The following LRRC75A variants were observed in gnomAD, a reference collection of about 807,000 sequenced individuals.
LRRC75A encodes leucine-rich repeat-containing protein 75A.
In LRRC75A, 12 loss-of-function variants were observed where a neutral mutation model predicts 26.0. That is an observed-to-expected ratio of 0.46 (90% confidence interval 0.30 to 0.75). LRRC75A has a LOEUF of 0.75. Among genes scored for constraint, LRRC75A ranks in the 30% least tolerant of loss-of-function variants. LRRC75A has a pLI of 0.08. For synonymous variants in LRRC75A, 223 were observed against 219.3 expected (o/e 1.02, Z -0.15); for missense variants, 410 against 486.6 (o/e 0.84, Z 1.48).
At position 16,462,271 on chromosome 17, in the gene LRRC75A, T is replaced by C. The variant is rs747543063; in HGVS notation, c.362A>G (p.His121Arg). ...DLIISLARYIHCPKPEGDALG... is the reference protein window; with the variant it reads ...DLIISLARYIRCPKPEGDALG... The stretch of plus-strand genomic sequence containing the variant: ...CAGCCACCCTACCGGCTTGGGACAG[T>C]GGATGTAGCGTGCCAGGCTGATGAT... The change falls in exon 2 of 4, where the codon CAC becomes CGC. Residue 121 changes from histidine to arginine, a missense_variant. His to Arg is a conservative substitution (Grantham distance 29). Coordinates refer to ENST00000470794, the MANE Select transcript of LRRC75A (RefSeq NM_001113567.3). This position sits in a 1 kb window ranked among gnomAD's most constrained non-coding sequence, Gnocchi z 4.6. 6.2e-7 allele frequency: 1 copy of C among 1,613,820 alleles called. No homozygotes were observed. The highest frequency in any genetic ancestry group is 1.3e-5 in the African/African-American group (1 of 74,874).
chr17:16,490,789 T>G (rs1048757267), intron 1 of LRRC75A, among the ~76,000 whole-genome samples: 2 of 152,164 alleles, frequency 1.3e-5, no homozygotes. Context: ...GGGGTCAGTC[T>G]AGCAAGAATA....
chr17:16,444,141 A>G lies in LRRC75A; in HGVS notation c.492-10T>C. The G allele has an allele frequency of 6.3e-7, 1 of 1,576,970 alleles. No homozygotes were observed. Among genetic ancestry groups the G allele is most frequent in the Non-Finnish European group, 8.6e-7 (1 of 1,158,028 alleles). Reference sequence around the variant, plus strand: ...CAGGACAGCCTTGAGGCTGAAGGGAAAAAGGACAAACAAGGCTCAGGCACA... The same window carrying G: ...CAGGACAGCCTTGAGGCTGAAGGGAGAAAGGACAAACAAGGCTCAGGCACA... On this transcript the variant is annotated splice_polypyrimidine_tract_variant and intron_variant, in intron 3 of 3. Coordinates refer to ENST00000470794, the MANE Select transcript of LRRC75A (RefSeq NM_001113567.3).
chr17:16,467,743 C>G (rs1294362789), intron 1 of LRRC75A, among the ~76,000 whole-genome samples: 1 of 152,206 alleles, frequency 6.6e-6, no homozygotes, highest in Non-Finnish European at 1.5e-5. Context: ...GTCCTTGCCA[C>G]AAAACCCCAC....
At position 16,462,202 on chromosome 17, in the gene LRRC75A, A is replaced by G; in HGVS notation, c.375+56T>C. The G allele has an allele frequency of 6.2e-7, 1 of 1,605,060 alleles. No individual in the cohort carries two copies. The highest frequency in any genetic ancestry group is 8.5e-7 in the Non-Finnish European group (1 of 1,175,166). On this transcript the variant is annotated intron_variant, in intron 2 of 3. Transcript: ENST00000470794. This position sits in a 1 kb window ranked among gnomAD's most constrained non-coding sequence, Gnocchi z 4.6. ...TTGGGCATACAGCTGCTCTGCCCAGAAAGGCACCCACCGCACACCCCGGGA... is the reference window on the plus strand; with the variant it reads ...TTGGGCATACAGCTGCTCTGCCCAGGAAGGCACCCACCGCACACCCCGGGA...
chr17:16,450,022 T>C (rs1241614384), intron 2 of LRRC75A, among the ~76,000 whole-genome samples: 1 of 152,160 alleles, frequency 6.6e-6, no homozygotes, highest in African/African-American at 2.4e-5. Context: ...GGCTTGGTGA[T>C]GTGGCGGCTG....
intron 1 of LRRC75A, among the ~76,000 whole-genome samples, chr17:16,470,835 GT>G (rs1452468872): frequency 6.6e-6 from 1 of 152,176 alleles, no homozygotes; most frequent in Admixed American, 6.5e-5. Context: ...TTCTCTCATA[GT>G]TTTGGAGACC....
intron 2 of LRRC75A, among the ~76,000 whole-genome samples, chr17:16,459,684 ATAATCTCTAGACC>A (rs1383899715): frequency 2.5e-4 from 38 of 152,178 alleles, no homozygotes; most frequent in Non-Finnish European, 3.2e-4. Context: ...ACCTCTGCCT[ATAATCTCTAGACC>A]CATAACGTGG....
chr17:16,444,703 C>T (rs1328535875), intron 3 of LRRC75A, among the ~76,000 whole-genome samples: 1 of 151,944 alleles, frequency 6.6e-6, no homozygotes, highest in Non-Finnish European at 1.5e-5. Flanking sequence ...GAGTGCCTTG[C>T]TCCTTGCTTC....
At chr17:16,485,616 G>A (rs1231067755) in intron 1 of LRRC75A, among the ~76,000 whole-genome samples, 1 of 151,282 alleles carries the variant, frequency 6.6e-6, no homozygotes, top group Non-Finnish European at 1.5e-5. Flanking sequence ...ACAGCCAGGA[G>A]GAGCCAGGAC....
At chr17:16,469,708 G>T (rs549492851) in intron 1 of LRRC75A, among the ~76,000 whole-genome samples, 3 of 152,212 alleles carry the variant, frequency 2.0e-5, no homozygotes, top group Non-Finnish European at 4.4e-5. Flanking sequence ...GAAGTCCATG[G>T]AAATCTATAA....
intron 3 of LRRC75A, among the ~76,000 whole-genome samples, chr17:16,446,358 G>C (rs2093585511): frequency 6.6e-6 from 1 of 152,212 alleles, no homozygotes; most frequent in Non-Finnish European, 1.5e-5. Context: ...CCTGAGTGTG[G>C]GGCGATACTG....
Position 16,443,971 on chromosome 17 carries a change from TGTC to T in LRRC75A, c.649_651del (p.Asp217del). 3 of 1,613,606 alleles carry T rather than the reference TGTC, an allele frequency of 1.9e-6. No homozygotes were observed. The highest frequency in any genetic ancestry group is 2.5e-6 in the Non-Finnish European group (3 of 1,180,020). On this transcript the variant is annotated inframe_deletion, in exon 4 of 4. Transcript: ENST00000470794. ...AGTGCTGGCAGCAGCTGCAGGACCA[TGTC>T]GTCCGTGAGGCCTGTGAAGCCCAGC... is the stretch of plus-strand genomic sequence containing the variant.
rs2093810380 is a variant in LRRC75A, at chr17:16,472,673, G to A, written c.247-10287C>T. Among the ~76,000 whole-genome samples the A allele has an allele frequency of 3.9e-5, 6 of 152,326 alleles. No homozygotes were observed. The South Asian group carries it at 1.2e-3, about 32-fold the overall frequency. On this transcript the variant is annotated intron_variant, in intron 1 of 3. Coordinates refer to ENST00000470794, the MANE Select transcript of LRRC75A (RefSeq NM_001113567.3). ...ATGTTAAGGAGAATTAGGCGTATCA[G>A]AGTATCTAACAGATTGGCCTTCCAA...
At chr17:16,485,679 T>TGTGTGTGTGTGTTC (rs2093845320) in intron 1 of LRRC75A, among the ~76,000 whole-genome samples, 2 of 138,326 alleles carry the variant, frequency 1.4e-5, no homozygotes, top group African/African-American at 2.9e-5. Context: ...TTCGTGTGTG[T>TGTGTGTGTGTGTTC]GTGTGTGTGT....
At chr17:16,444,427 A>C (rs1309555349) in intron 3 of LRRC75A, among the ~76,000 whole-genome samples, 3 of 152,234 alleles carry the variant, frequency 2.0e-5, no homozygotes, top group East Asian at 1.9e-4. Flanking sequence ...GAAGAAGTTC[A>C]TAAGTGCAAA....
At chr17:16,464,563 A>C (rs976874342) in intron 1 of LRRC75A, among the ~76,000 whole-genome samples, 6 of 152,168 alleles carry the variant, frequency 3.9e-5, no homozygotes, top group African/African-American at 1.4e-4. Context: ...TGCCCTTTCT[A>C]CTACATTTCT....
At chr17:16,461,817 G>A (rs781746570) in intron 2 of LRRC75A, among the ~76,000 whole-genome samples, 12 of 152,190 alleles carry the variant, frequency 7.9e-5, no homozygotes, top group Non-Finnish European at 1.8e-4. Context: ...GGTAGAGAGA[G>A]GGCTGGATTT....
At chr17:16,485,692 G>GTATA (rs370035573) in intron 1 of LRRC75A, among the ~76,000 whole-genome samples, 1 of 147,254 alleles carries the variant, frequency 6.8e-6, no homozygotes, top group African/African-American at 2.6e-5. Flanking sequence ...GTGTGTGTGT[G>GTATA]TATGCGTGGG....
chr17:16,485,248 G>A (rs372913234), intron 1 of LRRC75A, among the ~76,000 whole-genome samples: 5 of 152,122 alleles, frequency 3.3e-5, no homozygotes, highest in South Asian at 2.1e-4. Flanking sequence ...GAAAGTTTGC[G>A]TCCCCTCCTC....
Sources: gnomAD v4.1 joint callset for allele counts (sites outside exome capture counted in the v4.1 genomes callset) on GRCh38, gnomAD v4.1.1 for gene constraint, Gnocchi (gnomAD v3.1) non-coding constraint, MANE v1.5 for transcripts, NCBI Gene and HGNC (gene_info 2026-07-23, HGNC 2026-07-21) for gene names.